The following FOXA2 variants were observed in gnomAD, a reference collection of about 807,000 sequenced individuals.
FOXA2 encodes the protein forkhead box A2.
In FOXA2, 9 loss-of-function variants were observed where a neutral mutation model predicts 33.3. The ratio of observed to expected loss-of-function variants is 0.27; its 90% CI spans 0.16 to 0.47. The LOEUF (loss-of-function observed/expected upper bound fraction) is 0.47. FOXA2 is among the 20% of genes least tolerant of loss of function. The probability of loss-of-function intolerance (pLI) is 0.99; values close to 1 mark genes in which losing one functional copy is unlikely to be tolerated. For synonymous variants in FOXA2, 329 were observed against 289.4 expected, an observed-to-expected ratio of 1.14 and a Z score of -1.39; for missense variants, 704 against 659.9, an observed-to-expected ratio of 1.07 and a Z score of -0.73.
intron 1 of FOXA2, among the ~76,000 whole-genome samples, chr20:22,583,571 A>C (rs369935965): frequency 6.6e-6 from 1 of 152,346 alleles, no homozygotes; most frequent in African/African-American, 2.4e-5. Context: ...CCTGCGGGAC[A>C]ACGCGCGGGG....
chr20:22,584,688 G>C (rs1171880205), upstream of FOXA2, among the ~76,000 whole-genome samples: 1 of 148,552 alleles, frequency 6.7e-6, no homozygotes, highest in South Asian at 2.1e-4. Flanking sequence ...AGGAGGAGGA[G>C]GAGGAGGAGG....
In FOXA2 at chr20:22,584,397, C is replaced by A; in HGVS notation, c.-119G>T. On this transcript the variant is annotated 5_prime_UTR_variant, in exon 1 of 2. The change creates a new upstream start codon in the 5' untranslated region. Coordinates refer to ENST00000419308, the MANE Select transcript of FOXA2 (RefSeq NM_021784.5). ...CTCCTCCCTCCCTCTCTCGCGCTCC[C>A]TCTCCCTGGGCTCCACTCCCTCTCT... 1.2e-6 allele frequency: 1 copy of A among 811,814 alleles called. No individual in the cohort carries two copies. The highest frequency in any genetic ancestry group is 2.1e-6 in the Non-Finnish European group (1 of 486,316). The allele number at this position is 811,814 out of a possible 1,614,324, so 50.3% of individuals were successfully genotyped here.
chr20:22,581,816 G>C lies in FOXA2; in HGVS notation c.*34C>G, dbSNP rs569704676. On this transcript the variant is annotated 3_prime_UTR_variant, in exon 2 of 2. Transcript: ENST00000419308. ...CTCTCACTTGTCCTCGATCCGGGGTGCCAGAGTTAGCCGGGCCTGAAGCCG... is the reference window on the plus strand; with the variant it reads ...CTCTCACTTGTCCTCGATCCGGGGTCCCAGAGTTAGCCGGGCCTGAAGCCG... The C allele has an allele frequency of 2.0e-4, 322 of 1,595,380 alleles. 3 individuals carry two copies. In the South Asian group the frequency reaches 3.3e-3, roughly 16 times the overall value.
rs1171444918 is a variant in FOXA2 at position 22,581,654 on chromosome 20, CCT to C, written c.*194_*195del. The C allele has an allele frequency of 1.4e-5, 8 of 572,478 alleles. No homozygotes were observed. Among genetic ancestry groups the C allele is most frequent in the Non-Finnish European group, 2.5e-5 (8 of 321,766 alleles). 35.5% of individuals were successfully genotyped at this position (572,478 alleles called of 1,614,324 possible). A position where few individuals can be genotyped will look rare whatever the true frequency, so the allele number is the denominator to read the frequency against. ...ATAGAACGTGGGGTATCTGTGTGGC[CCT>C]CTGTTTGGGACGGAACGGCTGCAGC... On this transcript the variant is annotated 3_prime_UTR_variant, in exon 2 of 2. Transcript: ENST00000419308.
In FOXA2 at chr20:22,581,876, A is replaced by G. The variant is rs1984583691; in HGVS notation, c.1366T>C (p.Ser456Pro). 1 of 1,607,304 alleles carries G rather than the reference A, an allele frequency of 6.2e-7. No homozygotes were observed. Among genetic ancestry groups the G allele is most frequent in the Non-Finnish European group, 8.5e-7 (1 of 1,174,428 alleles). The change falls in exon 2 of 2, where the codon TCC (serine) becomes CCC (proline). Residue 456 changes from serine to proline, a missense_variant. Ser to Pro is a moderately conservative substitution (Grantham distance 74). This residue lies in a region of FOXA2 where 343 missense variants were observed against 274.8 expected (regional missense o/e 1.25). Transcript: ENST00000419308. Reference protein sequence around the residue: ...ADTSYYQGVYSRPIMNSS With the variant: ...ADTSYYQGVYPRPIMNSS ...TAAGAGGAGTTCATAATGGGCCGGG[A>G]GTACACCCCCTGGTAGTAGGAGGTA...
chr20:22,582,247 G>C lies in FOXA2; in HGVS notation c.995C>G (p.Pro332Arg), dbSNP rs964403017. Residue 332 changes from proline (P) to arginine (R), a missense_variant, in exon 2 of 2, where the codon CCG (proline) becomes CGG (arginine). Physicochemically the swap from Pro to Arg is moderately radical, Grantham distance 103. Coordinates refer to ENST00000419308, the MANE Select transcript of FOXA2 (RefSeq NM_021784.5). ...RGGLGELKGT[P>R]AAALSPPEPA... ...CTCTGGGGGGCTCAGCGCCGCAGCCGGCGTCCCCTTCAGCTCTCCCAGGCC... is the reference window on the plus strand; with the variant it reads ...CTCTGGGGGGCTCAGCGCCGCAGCCCGCGTCCCCTTCAGCTCTCCCAGGCC... 8 of 1,471,832 alleles carry C rather than the reference G, an allele frequency of 5.4e-6. No individual in the cohort carries two copies. The highest frequency in any genetic ancestry group is 2.9e-5 in the African/African-American group (2 of 68,736). 91.2% of individuals were successfully genotyped at this position (1,471,832 alleles called of 1,614,324 possible). A position where few individuals can be genotyped will look rare whatever the true frequency, so the allele number is the denominator to read the frequency against.
chr20:22,585,072 C>T (rs1180818741), upstream of FOXA2, among the ~76,000 whole-genome samples: 1 of 152,162 alleles, frequency 6.6e-6, no homozygotes, highest in Admixed American at 6.5e-5. Context: ...CGGCCTCCAG[C>T]CCCCGCCCCG....
At position 22,581,641 on chromosome 20, in the gene FOXA2, G is replaced by A. The variant is rs1378004846; in HGVS notation, c.*209C>T. On this transcript the variant is annotated 3_prime_UTR_variant, in exon 2 of 2. Coordinates refer to ENST00000419308, the MANE Select transcript of FOXA2 (RefSeq NM_021784.5). The stretch of plus-strand genomic sequence containing the variant: ...TTTTCCTCCTTATATAGAACGTGGG[G>A]TATCTGTGTGGCCCTCTGTTTGGGA... 1.9e-6 allele frequency: 1 copy of A among 528,096 alleles called. No homozygotes were observed. The highest frequency in any genetic ancestry group is 3.4e-6 in the Non-Finnish European group (1 of 298,100). The allele number at this position is 528,096 out of a possible 1,614,324, so 32.7% of individuals were successfully genotyped here.
chr20:22,582,612 C>A lies in FOXA2; in HGVS notation c.630G>T (p.Gln210His). The change falls in exon 2 of 2, where the codon CAG (glutamine) becomes CAT (histidine). Residue 210 changes from glutamine to histidine, a missense_variant. Gln to His is a conservative substitution (Grantham distance 24). Coordinates refer to ENST00000419308, the MANE Select transcript of FOXA2 (RefSeq NM_021784.5). ...AGGAGAGCGAGTGGCGGATGGAGTT[C>A]TGCCAGCGCTGCTGGTTCTGCCGGT... is the stretch of plus-strand genomic sequence containing the variant. ...PFYRQNQQRWQNSIRHSLSFN... is the reference protein window; with the variant it reads ...PFYRQNQQRWHNSIRHSLSFN... 8 of 1,614,118 alleles carry A rather than the reference C, an allele frequency of 5.0e-6. No individual in the cohort carries two copies. The highest frequency in any genetic ancestry group is 6.8e-6 in the Non-Finnish European group (8 of 1,180,026).
rs766824188 is a variant in FOXA2 at position 22,583,017 on chromosome 20, C to A, written c.225G>T (p.Val75=). 1.2e-6 allele frequency: 2 copies of A among 1,609,280 alleles called. No homozygotes were observed. The highest frequency in any genetic ancestry group is 3.3e-5 in the Admixed American group (2 of 59,986). ...CCAGGGACGGGCTCATGCCAGCGCC[C>A]ACGTACGACGACATGTTCATGGAGC... is the stretch of plus-strand genomic sequence containing the variant. The part of the protein sequence containing the change: ...SAGSMNMSSY[V]GAGMSPSLAG... Residue 75 remains valine, a synonymous_variant, in exon 2 of 2, where the codon GTG becomes GTT. Transcript: ENST00000419308.
chr20:22,584,126 G>T, intron 1 of FOXA2, 66 bp downstream of exon 1: 1 of 1,503,084 alleles, frequency 6.7e-7, no homozygotes, highest in South Asian at 1.1e-5. Context: ...GAGGGAAGCG[G>T]TCCTGAGGTT....
chr20:22,582,530 A>C lies in FOXA2; in HGVS notation c.712T>G (p.Phe238Val). The C allele has an allele frequency of 6.2e-7, 1 of 1,614,116 alleles. No individual in the cohort carries two copies. The highest frequency in any genetic ancestry group is 8.5e-7 in the Non-Finnish European group (1 of 1,180,008). Residue 238 changes from phenylalanine (F) to valine (V), a missense_variant, in exon 2 of 2, where the codon TTC (phenylalanine) becomes GTC (valine). By Grantham distance (50) the Phe-to-Val change is conservative. Transcript: ENST00000419308. ...RSPDKPGKGS[F>V]WTLHPDSGNM... ...CCCGAGTCAGGGTGCAGGGTCCAGAAGGAGCCCTTGCCGGGCTTGTCGGGC... is the reference window on the plus strand; with the variant it reads ...CCCGAGTCAGGGTGCAGGGTCCAGACGGAGCCCTTGCCGGGCTTGTCGGGC...
In FOXA2 at chr20:22,582,219, C is replaced by G. The variant is rs984887418; in HGVS notation, c.1023G>C (p.Pro341=). The change falls in exon 2 of 2, where the codon CCG becomes CCC. Residue 341 remains proline (P), a synonymous_variant. Transcript: ENST00000419308. ...GCTGCTGCTGCCCGGGAGAGGGCGC[C>G]GGCTCTGGGGGGCTCAGCGCCGCAG... The part of the protein sequence containing the change: ...TPAAALSPPE[P]APSPGQQQQA... 22 of 1,538,570 alleles carry G rather than the reference C, an allele frequency of 1.4e-5. No homozygotes were observed. Among genetic ancestry groups the G allele is most frequent in the Middle Eastern group, 1.9e-4 (1 of 5,394 alleles).
In FOXA2 at chr20:22,583,019, C is replaced by A. The variant is rs754322875; in HGVS notation, c.223G>T (p.Val75Leu). 2.5e-6 allele frequency: 4 copies of A among 1,609,324 alleles called. No homozygotes were observed. The East Asian group carries it at 8.9e-5, about 36-fold the overall frequency. Residue 75 changes from valine (V) to leucine (L), a missense_variant, in exon 2 of 2, where the codon GTG (valine) becomes TTG (leucine). Transcript: ENST00000419308. ...SAGSMNMSSYVGAGMSPSLAG... is the reference protein window; with the variant it reads ...SAGSMNMSSYLGAGMSPSLAG... ...AGGGACGGGCTCATGCCAGCGCCCACGTACGACGACATGTTCATGGAGCCC... is the reference window on the plus strand; with the variant it reads ...AGGGACGGGCTCATGCCAGCGCCCAAGTACGACGACATGTTCATGGAGCCC...
In FOXA2 at chr20:22,582,362, C is replaced by G. The variant is rs760318416; in HGVS notation, c.880G>C (p.Gly294Arg). 6.0e-5 allele frequency: 89 copies of G among 1,494,152 alleles called. No individual in the cohort carries two copies. The highest frequency in any genetic ancestry group is 7.3e-5 in the Non-Finnish European group (82 of 1,130,910). 92.6% of individuals were successfully genotyped at this position (1,494,152 alleles called of 1,614,324 possible). Reference sequence around the variant, plus strand: ...TCGGAGGCCGGCCCGGCGGCCTCCCCGAGTTGAGCCTGTGAGGCCTGGGCT... The same window carrying G: ...TCGGAGGCCGGCCCGGCGGCCTCCCGGAGTTGAGCCTGTGAGGCCTGGGCT... ...AGAQASQAQLGEAAGPASETP... is the reference protein window; with the variant it reads ...AGAQASQAQLREAAGPASETP... The change falls in exon 2 of 2, where the codon GGG becomes CGG. Residue 294 changes from glycine (G) to arginine (R), a missense_variant. Around this residue, in one of 5 missense-constraint regions of FOXA2, gnomAD observed 343 missense variants for 274.8 expected, o/e 1.25. Coordinates refer to ENST00000419308, the MANE Select transcript of FOXA2 (RefSeq NM_021784.5).
chr20:22,583,125 G>A lies in FOXA2; in HGVS notation c.117C>T (p.Ala39=), dbSNP rs773892259. The A allele has an allele frequency of 2.6e-5, 41 of 1,604,806 alleles. 1 individual carries two copies. In the South Asian group the frequency reaches 4.4e-4, roughly 17 times the overall value. Residue 39 remains alanine, a synonymous_variant, in exon 2 of 2, where the codon GCC becomes GCT. Transcript: ENST00000419308. ...TGTTCATGCCGTTCATCCCCAGGCC[G>A]GCGTTCATGTTGCTCACGGAGGAGT... ...EGYSSVSNMN[A]GLGMNGMNTY...
chr20:22,582,192 C>G lies in FOXA2; in HGVS notation c.1050G>C (p.Gln350His). Residue 350 changes from glutamine (Q) to histidine (H), a missense_variant, in exon 2 of 2, where the codon CAG (glutamine) becomes CAC (histidine). Physicochemically the swap from Gln to His is conservative, Grantham distance 24. Coordinates refer to ENST00000419308, the MANE Select transcript of FOXA2 (RefSeq NM_021784.5). ...EPAPSPGQQQ[Q>H]AAAHLLGPPH... ...GCGGGCCCAGCAGGTGGGCCGCGGC[C>G]TGCTGCTGCTGCCCGGGAGAGGGCG... The G allele has an allele frequency of 6.5e-7, 1 of 1,549,306 alleles. No individual in the cohort carries two copies. Among genetic ancestry groups the G allele is most frequent in the South Asian group, 1.2e-5 (1 of 84,188 alleles).
rs776215689 is a variant in FOXA2, at chr20:22,582,925, G to A, written c.317C>T (p.Ala106Val). Residue 106 changes from alanine to valine, a missense_variant, in exon 2 of 2, where the codon GCG becomes GTG. Physicochemically the swap from Ala to Val is moderately conservative, Grantham distance 64 (BLOSUM62 0). This residue lies in a region of FOXA2 where 304 missense variants were observed against 251.7 expected (regional missense o/e 1.21). Coordinates refer to ENST00000419308, the MANE Select transcript of FOXA2 (RefSeq NM_021784.5). ...GGGACTCAAGTGCGGCCCCATGCCC[G>A]CCACGCCGGCCGCCCCGGCCGAGCC... is the stretch of plus-strand genomic sequence containing the variant. ...MGGSAGAAGV[A>V]GMGPHLSPSL... 8 of 1,517,158 alleles carry A rather than the reference G, an allele frequency of 5.3e-6. No homozygotes were observed. The highest frequency in any genetic ancestry group is 7.0e-6 in the Non-Finnish European group (8 of 1,137,362). 94.0% of individuals were successfully genotyped at this position (1,517,158 alleles called of 1,614,324 possible). A position where few individuals can be genotyped will look rare whatever the true frequency, so the allele number is the denominator to read the frequency against.
chr20:22,581,771 A>G lies in FOXA2; in HGVS notation c.*79T>C. ...CGTCTCTGCAACACCGTCTCCCCAA[A>G]GTCTCGACCCCCACTTGCTCTCTCA... On this transcript the variant is annotated 3_prime_UTR_variant, in exon 2 of 2. Transcript: ENST00000419308. 7.2e-7 allele frequency: 1 copy of G among 1,386,736 alleles called. No homozygotes were observed. Among genetic ancestry groups the G allele is most frequent in the Non-Finnish European group, 1.0e-6 (1 of 988,360 alleles). 85.9% of individuals were successfully genotyped at this position (1,386,736 alleles called of 1,614,324 possible).
Sources: gnomAD v4.1 joint callset for allele counts (sites outside exome capture counted in the v4.1 genomes callset) on GRCh38, gnomAD v4.1.1 for gene constraint, gnomAD v4.1.1 regional missense constraint, MANE v1.5 for transcripts, NCBI Gene and HGNC (gene_info 2026-07-23, HGNC 2026-07-21) for gene names.